PPM1H: variants seen among roughly 807,000 people sequenced by gnomAD.
PPM1H encodes protein phosphatase, Mg2+/Mn2+ dependent 1H.
A neutral mutation model predicts 54.9 loss-of-function variants in PPM1H; 27 were observed. The ratio of observed to expected loss-of-function variants is 0.49; its 90% CI spans 0.36 to 0.68. The LOEUF (loss-of-function observed/expected upper bound fraction) is 0.68, where lower values mean the gene tolerates loss of function less well. PPM1H is among the 30% of genes least tolerant of loss of function. PPM1H has a pLI of 0.00. For synonymous variants in PPM1H, 305 were observed against 270.8 expected (o/e 1.13, Z -1.24); for missense variants, 596 against 667.8 (o/e 0.89, Z 1.19).
intron 4 of PPM1H, among the ~76,000 whole-genome samples, chr12:62,764,134 C>T (rs1357221547): frequency 3.9e-5 from 6 of 152,132 alleles, no homozygotes; most frequent in South Asian, 4.1e-4. Flanking sequence ...GGTGAATTTC[C>T]GTCCAGACAA....
At chr12:62,880,423 CG>C (rs1267479601) in intron 1 of PPM1H, among the ~76,000 whole-genome samples, 1 of 152,154 alleles carries the variant, frequency 6.6e-6, no homozygotes, top group East Asian at 1.9e-4. Context: ...AAGACTAGAT[CG>C]GGGGGCTTCC....
chr12:62,847,031 C>T (rs901436345), intron 1 of PPM1H, among the ~76,000 whole-genome samples: 6 of 152,168 alleles, frequency 3.9e-5, no homozygotes, highest in African/African-American at 1.4e-4. Context: ...CACCCTCCTC[C>T]GTCCCATTCA....
intron 5 of PPM1H, among the ~76,000 whole-genome samples, chr12:62,728,935 C>T (rs7970056): frequency 0.11 from 17,304 of 152,020 alleles, 1,029 homozygotes; most frequent in East Asian, 0.2. Flanking sequence ...TTTCTTCCTC[C>T]TTTTGATAAT....
intron 4 of PPM1H, among the ~76,000 whole-genome samples, chr12:62,757,626 G>T (rs887477722): frequency 2.0e-5 from 3 of 152,094 alleles, no homozygotes; most frequent in Non-Finnish European, 4.4e-5. Flanking sequence ...TGTCTTTCTT[G>T]GGGCAAGTTT....
At chr12:62,683,037 TTATTA>T (rs1565755354) in intron 8 of PPM1H, among the ~76,000 whole-genome samples, 1,105 of 24,978 alleles carry the variant, frequency 0.044, 8 homozygotes, top group Non-Finnish European at 0.052. Flanking sequence ...TTATTATTTA[TTATTA>T]TTATTATTAT....
At chr12:62,688,441 T>A (rs1219216836) in intron 8 of PPM1H, among the ~76,000 whole-genome samples, 1 of 147,664 alleles carries the variant, frequency 6.8e-6, no homozygotes, top group African/African-American at 2.5e-5. Flanking sequence ...AAAAAAAAAA[T>A]GGCAAAAACT....
chr12:62,831,804 CAT>C (rs1491539988), intron 2 of PPM1H, among the ~76,000 whole-genome samples: 39 of 147,580 alleles, frequency 2.6e-4, no homozygotes, highest in African/African-American at 7.6e-4. Flanking sequence ...CACACACACA[CAT>C]ATATATGTGT....
intron 1 of PPM1H, among the ~76,000 whole-genome samples, chr12:62,927,968 G>C (rs775463725): frequency 2.0e-5 from 3 of 152,210 alleles, no homozygotes; most frequent in Non-Finnish European, 2.9e-5. Flanking sequence ...ATTAGACACA[G>C]TGAAAAACCA....
At chr12:62,847,674 C>T (rs1869025630) in intron 1 of PPM1H, among the ~76,000 whole-genome samples, 1 of 152,048 alleles carries the variant, frequency 6.6e-6, no homozygotes, top group Admixed American at 6.6e-5. Flanking sequence ...ATCTGACAGC[C>T]ACTGATCAGG....
intron 2 of PPM1H, among the ~76,000 whole-genome samples, chr12:62,804,702 G>A (rs550423477): frequency 6.1e-5 from 8 of 131,496 alleles, no homozygotes; most frequent in Non-Finnish European, 1.2e-4. Flanking sequence ...TTGAGACGGA[G>A]TCTCGCTCTG....
rs528130970 is a variant in PPM1H at position 62,648,225 on chromosome 12, T to C, written c.*264A>G. On this transcript the variant is annotated 3_prime_UTR_variant, in exon 10 of 10. Coordinates refer to ENST00000228705, the MANE Select transcript of PPM1H (RefSeq NM_020700.2). The stretch of plus-strand genomic sequence containing the variant: ...ATACCCCAAATAGTCAATGGCCACC[T>C]CGGAGGCCTATGAAAGGAACTGAAA... 2 of 400,354 alleles carry C rather than the reference T, an allele frequency of 5.0e-6. No homozygotes were observed. The highest frequency in any genetic ancestry group is 8.9e-5 in the East Asian group (2 of 22,460). The allele number at this position is 400,354 out of a possible 1,614,324, so 24.8% of individuals were successfully genotyped here. A position where few individuals can be genotyped will look rare whatever the true frequency, so the allele number is the denominator to read the frequency against.
At chr12:62,831,791 A>G (rs1294015556) in intron 2 of PPM1H, among the ~76,000 whole-genome samples, 82 of 131,354 alleles carry the variant, frequency 6.2e-4, no homozygotes, top group Non-Finnish European at 5.0e-5. Flanking sequence ...ATATACGTAT[A>G]CACACACACA....
intron 8 of PPM1H, among the ~76,000 whole-genome samples, chr12:62,669,896 G>A (rs890324594): frequency 8.8e-5 from 13 of 146,898 alleles, no homozygotes; most frequent in African/African-American, 3.0e-4. Flanking sequence ...CCATGACTGT[G>A]CCATTACACT....
intron 1 of PPM1H, among the ~76,000 whole-genome samples, chr12:62,923,275 A>G (rs1220989875): frequency 6.6e-6 from 1 of 152,278 alleles, no homozygotes; most frequent in Admixed American, 6.5e-5. Flanking sequence ...AAATGGGTAC[A>G]CACACAGATA....
intron 2 of PPM1H, among the ~76,000 whole-genome samples, chr12:62,806,061 A>G (rs2076803700): frequency 6.6e-6 from 1 of 152,226 alleles, no homozygotes. Context: ...ACTAAGAAAA[A>G]TAAATATTTG....
chr12:62,765,141 G>A (rs556329215), intron 4 of PPM1H, among the ~76,000 whole-genome samples: 12 of 152,322 alleles, frequency 7.9e-5, no homozygotes, highest in South Asian at 6.2e-4. Context: ...GCTGAGAGAG[G>A]GAACCAGGGT....
intron 1 of PPM1H, among the ~76,000 whole-genome samples, chr12:62,841,029 G>C (rs948944780): frequency 3.9e-5 from 6 of 151,958 alleles, no homozygotes; most frequent in Non-Finnish European, 8.8e-5. Flanking sequence ...GTTGGACATG[G>C]GTTATGGAGA....
rs1872246591 is a variant in PPM1H, at chr12:62,934,280, G to A, written c.245+212C>T. On this transcript the variant is annotated intron_variant, in intron 1 of 9. Transcript: ENST00000228705. This position sits in a 1 kb window ranked among gnomAD's most constrained non-coding sequence, Gnocchi z 4.2. ...CACCCACCCCTCCACCACCCATACCGGGGCTGGAGACGCCGCGTCCTTGGG... is the reference window on the plus strand; with the variant it reads ...CACCCACCCCTCCACCACCCATACCAGGGCTGGAGACGCCGCGTCCTTGGG... Among the ~76,000 whole-genome samples the A allele has an allele frequency of 6.6e-6, 1 of 152,132 alleles. No homozygotes were observed.
intron 2 of PPM1H, among the ~76,000 whole-genome samples, chr12:62,814,523 A>C (rs2076854249): frequency 2.0e-5 from 3 of 152,296 alleles, no homozygotes; most frequent in Non-Finnish European, 2.9e-5. Flanking sequence ...CTGCCAAAAA[A>C]ATTGTTTTTA....
Sources: gnomAD v4.1 joint callset for allele counts (sites outside exome capture counted in the v4.1 genomes callset) on GRCh38, gnomAD v4.1.1 for gene constraint, Gnocchi (gnomAD v3.1) non-coding constraint, MANE v1.5 for transcripts, NCBI Gene and HGNC (gene_info 2026-07-23, HGNC 2026-07-21) for gene names.